ASH1L: variants seen among roughly 807,000 people sequenced by gnomAD.
The protein encoded by ASH1L is histone-lysine N-methyltransferase ASH1L.
Under a neutral mutation model 269.0 loss-of-function variants are expected in ASH1L, and 23 were observed. That is an observed-to-expected ratio of 0.09 (90% CI 0.06 to 0.12). The LOEUF is 0.12. Ranked by LOEUF, ASH1L falls within the 10% of genes least tolerant of loss-of-function variation. The probability of loss-of-function intolerance (pLI) is 1.00; values close to 1 mark genes in which losing one functional copy is unlikely to be tolerated. For synonymous variants in ASH1L, 1,187 were observed against 1,253.5 expected, an observed-to-expected ratio of 0.95 and a Z score of 1.12; for missense variants, 2,912 against 3,567.8, an observed-to-expected ratio of 0.82 and a Z score of 4.68.
In ASH1L at chr1:155,411,578, A is replaced by T. The variant is rs868621168; in HGVS notation, c.6008+4166T>A. 1.4e-3 allele frequency among the ~76,000 whole-genome samples: 30 copies of T among 21,116 alleles called. No individual in the cohort carries two copies. The South Asian group carries it at 0.059, about 41-fold the overall frequency. The allele number at this position is 21,116 out of a possible 152,430, so 13.9% of individuals were successfully genotyped here. A position where few individuals can be genotyped will look rare whatever the true frequency, so the allele number is the denominator to read the frequency against. Reference sequence around the variant, plus strand: ...ATAAATATAAATATGAATATAAATAAATAAATAAATATATATATATATATA... The same window carrying T: ...ATAAATATAAATATGAATATAAATATATAAATAAATATATATATATATATA... On this transcript the variant is annotated intron_variant, in intron 6 of 27. Coordinates refer to ENST00000392403, the MANE Select transcript of ASH1L (RefSeq NM_018489.3).
intron 1 of ASH1L, among the ~76,000 whole-genome samples, chr1:155,555,966 G>A (rs1425433615): frequency 6.6e-6 from 1 of 152,174 alleles, no homozygotes; most frequent in Non-Finnish European, 1.5e-5. Context: ...GAGGGACAGG[G>A]GCTGGTAGAT....
chr1:155,389,694 C>A (rs762830277), intron 7 of ASH1L, among the ~76,000 whole-genome samples: 10 of 151,908 alleles, frequency 6.6e-5, no homozygotes, highest in Non-Finnish European at 1.5e-4. Flanking sequence ...AAAACAAAAA[C>A]AAAACACACA....
intron 2 of ASH1L, 68 bp downstream of exon 2, chr1:155,521,032 T>C (rs1668851126): frequency 1.4e-6 from 2 of 1,442,614 alleles, no homozygotes; most frequent in Admixed American, 2.2e-5. Flanking sequence ...AATACATATA[T>C]AGGATAAAAA....
chr1:155,417,561 A>C (rs545919498), intron 5 of ASH1L, among the ~76,000 whole-genome samples: 15 of 152,352 alleles, frequency 9.8e-5, no homozygotes, highest in African/African-American at 3.6e-4. Context: ...TCATTCCATT[A>C]GGCAAAGTAG....
intron 6 of ASH1L, among the ~76,000 whole-genome samples, chr1:155,413,090 G>C (rs560763376): frequency 2.6e-5 from 4 of 151,884 alleles, no homozygotes; most frequent in Non-Finnish European, 5.9e-5. Context: ...GCTCTATTTA[G>C]CAGACTCTGT....
chr1:155,383,816 AGG>A (rs1657182041), intron 7 of ASH1L, among the ~76,000 whole-genome samples: 1 of 152,184 alleles, frequency 6.6e-6, no homozygotes, highest in Admixed American at 6.6e-5. Flanking sequence ...GAGTTACAGT[AGG>A]GGATAATGAA....
chr1:155,382,370 C>A (rs1657051687), intron 7 of ASH1L, among the ~76,000 whole-genome samples: 1 of 151,990 alleles, frequency 6.6e-6, no homozygotes, highest in Non-Finnish European at 1.5e-5. Flanking sequence ...TGGTGGCGGG[C>A]ATCTGTAGTC....
intron 2 of ASH1L, among the ~76,000 whole-genome samples, chr1:155,507,682 G>A (rs1373224637): frequency 1.3e-5 from 2 of 152,202 alleles, no homozygotes; most frequent in East Asian, 3.9e-4. Flanking sequence ...GAACAGCCTG[G>A]GCAACACAAC....
rs578107550 is a variant in ASH1L at position 155,478,235 on chromosome 1, A to G, written c.4635T>C (p.Pro1545=). Reference sequence around the variant, plus strand: ...CCTCTCTGTTTATTAAGCTTTTTGAAGGAGAGAGATGAGGGCAGGACATGT... The same window carrying G: ...CCTCTCTGTTTATTAAGCTTTTTGAGGGAGAGAGATGAGGGCAGGACATGT... ...RCHMSCPHLS[P]SKSLINREEQ... is the part of the protein sequence containing the mutation. The change falls in exon 3 of 28, where the codon CCT becomes CCC. Residue 1545 remains proline, a synonymous_variant. Transcript: ENST00000392403. This position sits in a 1 kb window ranked among gnomAD's most constrained non-coding sequence, Gnocchi z 4.6. The G allele has an allele frequency of 3.1e-6, 5 of 1,614,042 alleles. No individual in the cohort carries two copies. In the East Asian group the frequency reaches 8.9e-5, roughly 29 times the overall value.
chr1:155,485,311 T>C (rs1666267646), intron 2 of ASH1L, among the ~76,000 whole-genome samples: 2 of 151,870 alleles, frequency 1.3e-5, no homozygotes, highest in Non-Finnish European at 2.9e-5. Flanking sequence ...TCTCTATTTT[T>C]TATTTTTATT....
intron 4 of ASH1L, among the ~76,000 whole-genome samples, chr1:155,452,307 G>A (rs189647803): frequency 3.3e-5 from 5 of 152,218 alleles, no homozygotes; most frequent in Admixed American, 3.3e-4. Context: ...CCAAAGTGCT[G>A]GGATTACAGG....
chr1:155,428,964 T>C (rs1389287674), intron 5 of ASH1L, among the ~76,000 whole-genome samples: 3 of 152,188 alleles, frequency 2.0e-5, no homozygotes, highest in Non-Finnish European at 4.4e-5. Flanking sequence ...TTAATTCCTC[T>C]AGCGCCACTG....
chr1:155,393,216 T>C (rs1658090009), intron 7 of ASH1L, among the ~76,000 whole-genome samples: 1 of 152,178 alleles, frequency 6.6e-6, no homozygotes, highest in African/African-American at 2.4e-5. Flanking sequence ...TAAATCTGTC[T>C]CCAGCCACCC....
chr1:155,499,025 C>G (rs1667340353), intron 2 of ASH1L, among the ~76,000 whole-genome samples: 1 of 151,568 alleles, frequency 6.6e-6, no homozygotes, highest in African/African-American at 2.4e-5. Context: ...CAAAAGCAGA[C>G]CACAATGGGC....
At chr1:155,426,388 A>G (rs989973041) in intron 5 of ASH1L, among the ~76,000 whole-genome samples, 1 of 151,956 alleles carries the variant, frequency 6.6e-6, no homozygotes, top group Non-Finnish European at 1.5e-5. Flanking sequence ...TTTTTAGTAG[A>G]GACGGGGTTT....
chr1:155,417,765 C>T (rs1346057444), intron 5 of ASH1L, among the ~76,000 whole-genome samples: 1 of 152,032 alleles, frequency 6.6e-6, no homozygotes, highest in Non-Finnish European at 1.5e-5. Flanking sequence ...TCAAGACCAG[C>T]CTGACCAACA....
At chr1:155,359,978 C>T (rs1017079903) in intron 13 of ASH1L, among the ~76,000 whole-genome samples, 1 of 152,160 alleles carries the variant, frequency 6.6e-6, no homozygotes, top group South Asian at 2.1e-4. Flanking sequence ...ACGCAACCTC[C>T]GCCTCCAAGG....
At position 155,371,761 on chromosome 1, in the gene ASH1L, T is replaced by G. The variant is rs565662774; in HGVS notation, c.6333-778A>C. ...CAGGCTGGAGTATATTGGCACAATC[T>G]CGGCTCACTGCAAACTCCGCTTCCC... On this transcript the variant is annotated intron_variant, in intron 10 of 27. Coordinates refer to ENST00000392403, the MANE Select transcript of ASH1L (RefSeq NM_018489.3). 4.0e-5 allele frequency among the ~76,000 whole-genome samples: 6 copies of G among 150,630 alleles called. 1 individual carries two copies. The South Asian group carries it at 1.3e-3, about 32-fold the overall frequency.
rs1160801068 is a variant in ASH1L at position 155,481,519 on chromosome 1, C to T, written c.1351G>A (p.Glu451Lys). The change falls in exon 3 of 28, where the codon GAA (glutamate) becomes AAA (lysine). Residue 451 changes from glutamate (E) to lysine (K), a missense_variant. This residue lies in a region of ASH1L where 715 missense variants were observed against 721.0 expected (regional missense o/e 0.99). Coordinates refer to ENST00000392403, the MANE Select transcript of ASH1L (RefSeq NM_018489.3). ...CTATCTTTCAGGGATTCAGAAAGTT[C>T]CTGACTTTCCTGATTATTGATGTTT... is the stretch of plus-strand genomic sequence containing the variant. ...STNINNQESQELSESLKDSAT... is the reference protein window; with the variant it reads ...STNINNQESQKLSESLKDSAT... 1.2e-6 allele frequency: 2 copies of T among 1,614,110 alleles called. No homozygotes were observed. The highest frequency in any genetic ancestry group is 1.7e-6 in the Non-Finnish European group (2 of 1,180,000).
Sources: allele counts gnomAD v4.1 joint callset (sites outside exome capture counted in the v4.1 genomes callset), GRCh38; gene constraint gnomAD v4.1.1; regional missense constraint gnomAD v4.1.1; non-coding constraint Gnocchi (gnomAD v3.1); transcripts MANE v1.5; gene names NCBI Gene and HGNC (gene_info 2026-07-23, HGNC 2026-07-21).